CACNB2: variants seen among roughly 807,000 people sequenced by gnomAD.
The protein encoded by CACNB2 is calcium voltage-gated channel auxiliary subunit beta 2.
A neutral mutation model predicts 73.3 loss-of-function variants in CACNB2; 42 were observed. The observed-to-expected ratio is 0.57, with a 90% CI of 0.45 to 0.74. The LOEUF (loss-of-function observed/expected upper bound fraction) is 0.74, where lower values mean the gene tolerates loss of function less well. Among genes scored for constraint, CACNB2 ranks in the 30% least tolerant of loss-of-function variants. The pLI is 0.00. For missense variants in CACNB2, 940 were observed against 853.0 expected (o/e 1.10, Z -1.27); for synonymous variants, 348 against 310.3 (o/e 1.12, Z -1.28).
chr10:18,400,780 C>T (rs2043953623), intron 2 of CACNB2: 1 of 1,395,178 alleles, frequency 7.2e-7, no homozygotes, highest in South Asian at 1.6e-5. Context: ...CACTTGTCTT[C>T]TTTATTTTTA....
At chr10:18,515,968 T>G (rs995049707) in intron 7 of CACNB2, among the ~76,000 whole-genome samples, 1 of 152,182 alleles carries the variant, frequency 6.6e-6, no homozygotes, top group African/African-American at 2.4e-5. Context: ...ATCCCAGCCC[T>G]TTAGGAGGCT....
chr10:18,305,141 T>G (rs921873421), intron 2 of CACNB2, among the ~76,000 whole-genome samples: 8 of 152,202 alleles, frequency 5.3e-5, no homozygotes, highest in African/African-American at 1.4e-4. Flanking sequence ...ACTTCATCAC[T>G]TTAAAAATTA....
intron 2 of CACNB2, among the ~76,000 whole-genome samples, chr10:18,375,123 G>A (rs1244762538): frequency 6.6e-6 from 1 of 152,106 alleles, no homozygotes; most frequent in East Asian, 1.9e-4. Flanking sequence ...GAGGCAGGAA[G>A]ATTGCTTGAG....
At chr10:18,268,189 T>C (rs2037896042) in intron 2 of CACNB2, among the ~76,000 whole-genome samples, 1 of 152,238 alleles carries the variant, frequency 6.6e-6, no homozygotes, top group Non-Finnish European at 1.5e-5. Context: ...TGTAGGAATG[T>C]AGTGGTCATC....
intron 2 of CACNB2, among the ~76,000 whole-genome samples, chr10:18,317,293 A>G (rs1351336991): frequency 6.6e-6 from 1 of 151,866 alleles, no homozygotes; most frequent in African/African-American, 2.4e-5. Flanking sequence ...CAGATTTGTT[A>G]CATGGGTATA....
At chr10:18,487,930 G>A (rs1024049634) in intron 3 of CACNB2, among the ~76,000 whole-genome samples, 1 of 151,766 alleles carries the variant, frequency 6.6e-6, no homozygotes, top group East Asian at 2.0e-4. Context: ...ACACTGAAAG[G>A]CTGCTGCAGC....
intron 2 of CACNB2, among the ~76,000 whole-genome samples, chr10:18,310,654 G>C (rs1380227330): frequency 1.3e-5 from 1 of 78,374 alleles, no homozygotes; most frequent in African/African-American, 5.0e-5. Flanking sequence ...AAATTATAAA[G>C]AAAAGAAACC....
At chr10:18,422,458 C>G (rs550054931) in intron 3 of CACNB2, among the ~76,000 whole-genome samples, 4 of 152,172 alleles carry the variant, frequency 2.6e-5, no homozygotes, top group Non-Finnish European at 4.4e-5. Context: ...TTTGCAGCAG[C>G]AGAACTTTTT....
Position 18,394,195 on chromosome 10 carries a change from G to T in CACNB2, c.214-7729G>T, listed in dbSNP as rs542922697. 5.3e-5 allele frequency among the ~76,000 whole-genome samples: 8 copies of T among 152,160 alleles called. No individual in the cohort carries two copies. In the East Asian group the frequency reaches 1.5e-3, roughly 29 times the overall value. On this transcript the variant is annotated intron_variant, in intron 2 of 13. Coordinates refer to ENST00000324631, the MANE Select transcript of CACNB2 (RefSeq NM_201596.3). ...GCTGGTCTCGAATTCCTGACCTGGTGATCTGCCTGCCTCGGCCTCCCAAAG... is the reference window on the plus strand; with the variant it reads ...GCTGGTCTCGAATTCCTGACCTGGTTATCTGCCTGCCTCGGCCTCCCAAAG...
At chr10:18,304,593 G>A (rs1229423911) in intron 2 of CACNB2, among the ~76,000 whole-genome samples, 1 of 152,040 alleles carries the variant, frequency 6.6e-6, no homozygotes, top group Admixed American at 6.6e-5. Context: ...CTGGCAACCA[G>A]GCTTCGTGGG....
chr10:18,298,779 T>C (rs112136719), intron 2 of CACNB2, among the ~76,000 whole-genome samples: 90 of 152,266 alleles, frequency 5.9e-4, no homozygotes, highest in African/African-American at 2.1e-3. Flanking sequence ...GGCAGATGGA[T>C]AATCCCTCAT....
At chr10:18,402,874 C>A (rs543750949) in intron 3 of CACNB2, among the ~76,000 whole-genome samples, 1 of 152,240 alleles carries the variant, frequency 6.6e-6, no homozygotes, top group African/African-American at 2.4e-5. Flanking sequence ...GGCTAAGTGC[C>A]TTGTTGATCA....
At chr10:18,192,231 G>A (rs1247614969) in intron 2 of CACNB2, among the ~76,000 whole-genome samples, 2 of 152,074 alleles carry the variant, frequency 1.3e-5, no homozygotes, top group Non-Finnish European at 2.9e-5. Flanking sequence ...AGGATTCTTT[G>A]TCTGTACCAG....
At chr10:18,163,475 A>G (rs930811920) in intron 2 of CACNB2, among the ~76,000 whole-genome samples, 15 of 152,122 alleles carry the variant, frequency 9.9e-5, no homozygotes, top group Non-Finnish European at 1.6e-4. Context: ...GACCATGACC[A>G]TGGGCATGAG....
At chr10:18,274,013 A>G (rs2038168752) in intron 2 of CACNB2, among the ~76,000 whole-genome samples, 1 of 152,148 alleles carries the variant, frequency 6.6e-6, no homozygotes. Context: ...GAAAGACACA[A>G]TTTGGATTTT....
At chr10:18,535,590 G>T (rs2053485899) in intron 11 of CACNB2, among the ~76,000 whole-genome samples, 1 of 151,994 alleles carries the variant, frequency 6.6e-6, no homozygotes, top group Admixed American at 6.6e-5. Context: ...GGCTAACACA[G>T]TGAAACCCCG....
At chr10:18,475,782 A>C (rs1309254466) in intron 3 of CACNB2, among the ~76,000 whole-genome samples, 1 of 152,074 alleles carries the variant, frequency 6.6e-6, no homozygotes, top group Non-Finnish European at 1.5e-5. Flanking sequence ...GTGTGTTCAG[A>C]CTCACTTCAC....
chr10:18,531,173 G>A (rs1247651117), intron 10 of CACNB2, among the ~76,000 whole-genome samples: 1 of 152,204 alleles, frequency 6.6e-6, no homozygotes, highest in Non-Finnish European at 1.5e-5. Flanking sequence ...TAGCCGCAAT[G>A]AAAGTAACCA....
chr10:18,151,725 C>T (rs1221219998), intron 2 of CACNB2, among the ~76,000 whole-genome samples: 1 of 152,138 alleles, frequency 6.6e-6, no homozygotes, highest in African/African-American at 2.4e-5. Flanking sequence ...CCTCTAACCC[C>T]TCTCCATGGG....
Sources: allele counts gnomAD v4.1 joint callset (sites outside exome capture counted in the v4.1 genomes callset), GRCh38; gene constraint gnomAD v4.1.1; transcripts MANE v1.5; gene names NCBI Gene and HGNC (gene_info 2026-07-23, HGNC 2026-07-21).